Variants in SPIDR observed in about 807,000 individuals in gnomAD.
SPIDR encodes DNA repair-scaffolding protein.
SPIDR carries 93 observed loss-of-function variants against 104.6 expected under a neutral mutation model. That is an observed-to-expected ratio of 0.89 (90% CI 0.75 to 1.06). The LOEUF (loss-of-function observed/expected upper bound fraction) is 1.06. Ranked by LOEUF, SPIDR falls within the 50% of genes least tolerant of loss-of-function variation. The pLI, the probability that SPIDR is intolerant of heterozygous loss-of-function variation, is 0.00. For synonymous variants in SPIDR, 431 were observed against 416.9 expected (o/e 1.03, Z -0.41); for missense variants, 1,154 against 1,111.2 (o/e 1.04, Z -0.55).
At chr8:47,327,764 T>C (rs2047937505) in intron 5 of SPIDR, among the ~76,000 whole-genome samples, 1 of 152,192 alleles carries the variant, frequency 6.6e-6, no homozygotes, top group Non-Finnish European at 1.5e-5. Context: ...GGTTTCACCA[T>C]GTTGGCCAGG....
chr8:47,429,032 C>G (rs1283440080), intron 7 of SPIDR, among the ~76,000 whole-genome samples: 1 of 152,096 alleles, frequency 6.6e-6, no homozygotes, highest in South Asian at 2.1e-4. Context: ...GAAGATTTTG[C>G]GTGAATACTG....
chr8:47,669,391 G>C (rs143211893), intron 10 of SPIDR, among the ~76,000 whole-genome samples: 3 of 152,142 alleles, frequency 2.0e-5, no homozygotes, highest in Admixed American at 2.0e-4. Context: ...TCGAACCAGG[G>C]GGGTGATGAC....
At chr8:47,673,241 T>C (rs901340815) in intron 10 of SPIDR, among the ~76,000 whole-genome samples, 1 of 152,244 alleles carries the variant, frequency 6.6e-6, no homozygotes, top group African/African-American at 2.4e-5. Flanking sequence ...TCGCTGGCTG[T>C]CCATCATGGC....
chr8:47,647,616 A>AAGAGAGAGAGAGAGAGAGAGAGAGAGAG (rs369414271), intron 10 of SPIDR, among the ~76,000 whole-genome samples: 77 of 60,444 alleles, frequency 1.3e-3, no homozygotes, highest in East Asian at 2.1e-3. Context: ...TCCATCTCGA[A>AAGAGAGAGAGAGAGAGAGAGAGAGAGAG]AGAGAGAGAG....
chr8:47,561,478 A>G (rs903301661), intron 8 of SPIDR, among the ~76,000 whole-genome samples: 1 of 152,102 alleles, frequency 6.6e-6, no homozygotes, highest in African/African-American at 2.4e-5. Context: ...GATTTCACAT[A>G]CTTTTCTCAG....
intron 10 of SPIDR, among the ~76,000 whole-genome samples, chr8:47,642,425 A>AG (rs902468716): frequency 6.6e-6 from 1 of 151,704 alleles, no homozygotes; most frequent in African/African-American, 2.4e-5. Flanking sequence ...CAAAAAAAAA[A>AG]AAAAAAAGAA....
intron 10 of SPIDR, among the ~76,000 whole-genome samples, chr8:47,658,691 T>A (rs372644196): frequency 6.6e-6 from 1 of 151,764 alleles, no homozygotes; most frequent in East Asian, 1.9e-4. Context: ...TCCCAGCACT[T>A]TGGGAGGTCG....
chr8:47,640,841 CTTTT>C (rs57405701), intron 10 of SPIDR, among the ~76,000 whole-genome samples: 443 of 40,776 alleles, frequency 0.011, no homozygotes, highest in East Asian at 0.021. Flanking sequence ...CCACACCCAG[CTTTT>C]TTTTTTTTTT....
At chr8:47,598,324 T>C (rs1249997497) in intron 9 of SPIDR, among the ~76,000 whole-genome samples, 2 of 152,232 alleles carry the variant, frequency 1.3e-5, no homozygotes, top group African/African-American at 4.8e-5. Context: ...TCAGTTTTCT[T>C]ATCTGTAAAA....
At chr8:47,544,645 A>G (rs1211833947) in intron 8 of SPIDR, among the ~76,000 whole-genome samples, 2 of 152,206 alleles carry the variant, frequency 1.3e-5, no homozygotes, top group Non-Finnish European at 1.5e-5. Context: ...ACCTTTGTCA[A>G]AAATCACATA....
intron 3 of SPIDR, among the ~76,000 whole-genome samples, chr8:47,287,143 A>AG (rs2038995014): frequency 6.6e-6 from 1 of 152,108 alleles, no homozygotes; most frequent in Non-Finnish European, 1.5e-5. Flanking sequence ...TCAAAAGGGG[A>AG]GGGGGTGTAC....
intron 7 of SPIDR, among the ~76,000 whole-genome samples, chr8:47,412,920 T>G (rs1554672856): frequency 1.3e-5 from 2 of 152,238 alleles, no homozygotes; most frequent in East Asian, 3.8e-4. Context: ...TTGTTCTGCT[T>G]GAACCAGAAA....
At chr8:47,547,295 G>A (rs985057998) in intron 8 of SPIDR, 22 of 576,666 alleles carry the variant, frequency 3.8e-5, no homozygotes, top group East Asian at 1.3e-4. Context: ...TAGATGAGAC[G>A]AAAATTCTCT....
Position 47,570,228 on chromosome 8 carries a change from C to T in SPIDR, c.1098-25583C>T, listed in dbSNP as rs78652568. 4.8e-3 allele frequency among the ~76,000 whole-genome samples: 731 copies of T among 152,238 alleles called. 5 individuals are homozygous for T. Among genetic ancestry groups the T allele is most frequent in the African/African-American group, 0.016 (679 of 41,538 alleles). ...AGTGTTGACATAAAGATAAACATGT[C>T]GACCAATGAAATGTATTAGAAAGCC... is the stretch of plus-strand genomic sequence containing the variant. On this transcript the variant is annotated intron_variant, in intron 8 of 19. Coordinates refer to ENST00000297423, the MANE Select transcript of SPIDR (RefSeq NM_001080394.4).
intron 1 of SPIDR, among the ~76,000 whole-genome samples, chr8:47,265,581 T>G (rs1403459443): frequency 2.0e-5 from 3 of 152,060 alleles, no homozygotes; most frequent in Non-Finnish European, 4.4e-5. Context: ...TTGCATAGAG[T>G]ACCTCATTTA....
chr8:47,463,297 C>T (rs2074241866), intron 8 of SPIDR, among the ~76,000 whole-genome samples: 1 of 149,176 alleles, frequency 6.7e-6, no homozygotes, highest in Non-Finnish European at 1.5e-5. Context: ...GGAGGTGGAG[C>T]TTGCAGTGAG....
intron 5 of SPIDR, among the ~76,000 whole-genome samples, chr8:47,393,795 T>A (rs2154309471): frequency 6.7e-6 from 1 of 149,724 alleles, no homozygotes; most frequent in Non-Finnish European, 1.5e-5. Flanking sequence ...CCCTTCCCCT[T>A]CTCCCTTCTT....
At chr8:47,478,564 G>A (rs2076535658) in intron 8 of SPIDR, among the ~76,000 whole-genome samples, 2 of 152,152 alleles carry the variant, frequency 1.3e-5, no homozygotes, top group South Asian at 4.1e-4. Flanking sequence ...ACACAGCACT[G>A]GGGAGCCCCT....
At chr8:47,361,008 A>C (rs1453639008) in intron 5 of SPIDR, 1 of 973,268 alleles carries the variant, frequency 1.0e-6, no homozygotes, top group African/African-American at 1.8e-5. Context: ...TTTAATATTA[A>C]AAATAAATAA....
Sources: allele counts gnomAD v4.1 joint callset (sites outside exome capture counted in the v4.1 genomes callset), GRCh38; gene constraint gnomAD v4.1.1; transcripts MANE v1.5; gene names NCBI Gene and HGNC (gene_info 2026-07-23, HGNC 2026-07-21).